LSR: variants seen among roughly 807,000 people sequenced by gnomAD.
The protein encoded by LSR is lipolysis-stimulated lipoprotein receptor.
In LSR, 44 loss-of-function variants were observed where a neutral mutation model predicts 61.8. That is an observed-to-expected ratio of 0.71 (90% CI 0.56 to 0.91). The LOEUF is 0.91. Ranked by LOEUF, LSR falls within the 40% of genes least tolerant of loss-of-function variation. The pLI is 0.00. For missense variants in LSR, 911 were observed against 830.5 expected (o/e 1.10, Z -1.19); for synonymous variants, 397 against 350.6 (o/e 1.13, Z -1.48).
intron 3 of LSR, chr19:35,259,545 TGAGGATTGCTTGAACCTGGGAGGCA>T (rs1347356602): frequency 1.3e-5 from 2 of 155,762 alleles, no homozygotes; most frequent in Admixed American, 6.2e-5. Flanking sequence ...GGCTGAGGCA[TGAGGATTGCTTGAACCTGGGAGGCA>T]GAGGATGCAG....
At position 35,266,370 on chromosome 19, in the gene LSR, G is replaced by A. The variant is rs748542666; in HGVS notation, c.790G>A (p.Gly264Ser). The change falls in exon 6 of 10, where the codon GGC becomes AGC. Residue 264 changes from glycine (G) to serine (S), a missense_variant. By Grantham distance (56) the Gly-to-Ser change is moderately conservative. Transcript: ENST00000605618. ...TTGTGTCCTCACAGTGTATGCCGCC[G>A]GCAAAGCAGCCACCTCAGGTGTTCC... The part of the protein sequence containing the change: ...CCCPEALYAA[G>S]KAATSGVPSI... 37 of 1,586,030 alleles carry A rather than the reference G, an allele frequency of 2.3e-5. No homozygotes were observed. The highest frequency in any genetic ancestry group is 4.5e-5 in the East Asian group (2 of 44,596).
Position 35,267,896 on chromosome 19 carries a change from T to G in LSR, c.*37T>G, listed in dbSNP as rs908167070. ...CTACGTAGCTTTTGTATTTTTTTTT[T>G]TAATTTGAAGGAACACTGATGAAGC... On this transcript the variant is annotated 3_prime_UTR_variant, in exon 10 of 10. Coordinates refer to ENST00000605618, the MANE Select transcript of LSR (RefSeq NM_205834.4). 59 of 1,610,174 alleles carry G rather than the reference T, an allele frequency of 3.7e-5. No homozygotes were observed. The highest frequency in any genetic ancestry group is 4.9e-5 in the Non-Finnish European group (58 of 1,177,386).
intron 2 of LSR, among the ~76,000 whole-genome samples, chr19:35,257,661 C>T (rs555515090): frequency 2.0e-5 from 3 of 152,204 alleles, no homozygotes; most frequent in South Asian, 2.1e-4. Context: ...GGAAAGAGGC[C>T]GGGAAGCTGA....
chr19:35,265,639 G>GGAAGGAAGGGA (rs2065987383), intron 5 of LSR, among the ~76,000 whole-genome samples: 1 of 152,202 alleles, frequency 6.6e-6, no homozygotes, highest in African/African-American at 2.4e-5. Flanking sequence ...GCCCTAGGGA[G>GGAAGGAAGGGA]GAAGGAAGGG....
In LSR at chr19:35,262,528, C is replaced by A. The variant is rs897994074; in HGVS notation, c.632-18C>A. On this transcript the variant is annotated intron_variant, in intron 4 of 9. Transcript: ENST00000605618. ...CCCTCCCAGGCCTCCGGGCTCAGGG[C>A]CTGTTGTCTTTCTGCAGACTGGCTC... The A allele has an allele frequency of 1.2e-6, 2 of 1,614,034 alleles. No homozygotes were observed. The highest frequency in any genetic ancestry group is 2.7e-5 in the African/African-American group (2 of 74,936).
Position 35,260,074 on chromosome 19 carries a change from A to C in LSR, c.574+1010A>C, listed in dbSNP as rs542965797. ...GTACTTGGGCTGCAAGACAGAGTTC[A>C]TGTGTGGGGGATGGAACACGTGCAC... On this transcript the variant is annotated intron_variant, in intron 3 of 9. Coordinates refer to ENST00000605618, the MANE Select transcript of LSR (RefSeq NM_205834.4). 8.5e-5 allele frequency among the ~76,000 whole-genome samples: 13 copies of C among 152,274 alleles called. No homozygotes were observed. In the South Asian group the frequency reaches 2.7e-3, roughly 32 times the overall value.
chr19:35,257,614 G>A (rs192687500), intron 2 of LSR, among the ~76,000 whole-genome samples: 13 of 152,228 alleles, frequency 8.5e-5, no homozygotes, highest in Admixed American at 2.6e-4. Context: ...GGAGGGCAGC[G>A]CGTCCTTGGG....
chr19:35,250,233 C>T, intron 1 of LSR, 82 bp from the exon 2 acceptor site: 1 of 902,522 alleles, frequency 1.1e-6, no homozygotes, highest in East Asian at 2.5e-5. Context: ...TTGCGAGTGT[C>T]AAGCTGGTGA....
rs1351539527 is a variant in LSR at position 35,266,946 on chromosome 19, C to A, written c.1123C>A (p.Pro375Thr). The A allele has an allele frequency of 6.2e-7, 1 of 1,613,408 alleles. No homozygotes were observed. Among genetic ancestry groups the A allele is most frequent in the South Asian group, 1.1e-5 (1 of 91,018 alleles). Residue 375 changes from proline to threonine, a missense_variant, in exon 8 of 10, where the codon CCC becomes ACC. By Grantham distance (38) the Pro-to-Thr change is conservative. Coordinates refer to ENST00000605618, the MANE Select transcript of LSR (RefSeq NM_205834.4). ...CTTCGACCCTTCTCGACCTGGCCCC[C>A]CCAGTGGCCGTGTGGAGCGGGGTAA... Reference protein sequence around the residue: ...ANFDPSRPGPPSGRVERAMSE... With the variant: ...ANFDPSRPGPTSGRVERAMSE...
At chr19:35,266,654 G>A (rs2066004382) in intron 6 of LSR, 25 bp from the exon 7 acceptor site, 2 of 1,601,776 alleles carry the variant, frequency 1.2e-6, no homozygotes, top group East Asian at 2.3e-5. Context: ...CTGGTGCGCG[G>A]CCACTGACAG....
At position 35,262,601 on chromosome 19, in the gene LSR, G is replaced by A; in HGVS notation, c.687G>A (p.Leu229=). 2 of 1,614,176 alleles carry A rather than the reference G, an allele frequency of 1.2e-6. No individual in the cohort carries two copies. Among genetic ancestry groups the A allele is most frequent in the Non-Finnish European group, 1.7e-6 (2 of 1,180,028 alleles). Residue 229 remains leucine (L), a synonymous_variant, in exon 5 of 10, where the codon CTG becomes CTA. Coordinates refer to ENST00000605618, the MANE Select transcript of LSR (RefSeq NM_205834.4). ...CLAAFLIFLL[L]GICWCQCCPH... ...CTGCCTTCCTCATCTTCCTCCTCCT[G>A]GGCATCTGCTGGTGCCAGTGCTGCC... is the stretch of plus-strand genomic sequence containing the variant.
Position 35,266,516 on chromosome 19 carries a change from T to A in LSR, c.936T>A (p.Val312=), listed in dbSNP as rs760756509. Residue 312 remains valine, a synonymous_variant, in exon 6 of 10, where the codon GTT becomes GTA. Coordinates refer to ENST00000605618, the MANE Select transcript of LSR (RefSeq NM_205834.4). ...ACCCTGGAGGATACCCTGGAGACGT[T>A]GACAGGAGTAGCTCAGGTGAGGCCG... is the stretch of plus-strand genomic sequence containing the variant. ...NGYPGGYPGD[V]DRSSSAGGQG... is the part of the protein sequence containing the mutation. 6.2e-7 allele frequency: 1 copy of A among 1,606,830 alleles called. No individual in the cohort carries two copies.
intron 2 of LSR, among the ~76,000 whole-genome samples, chr19:35,253,929 T>A (rs1055499401): frequency 1.3e-5 from 2 of 152,176 alleles, no homozygotes; most frequent in African/African-American, 4.8e-5. Flanking sequence ...GGCCTGGGTC[T>A]TTCAAACCAC....
intron 5 of LSR, 92 bp from the exon 6 acceptor site, chr19:35,266,267 G>A: frequency 1.9e-6 from 2 of 1,033,136 alleles, no homozygotes; most frequent in Non-Finnish European, 2.8e-6. Flanking sequence ...TTGGGAAGGA[G>A]GTCCAGGCCC....
At position 35,259,108 on chromosome 19, in the gene LSR, C is replaced by T. The variant is rs754680164; in HGVS notation, c.574+44C>T. The T allele has an allele frequency of 3.1e-6, 5 of 1,594,940 alleles. No individual in the cohort carries two copies. In the South Asian group the frequency reaches 3.4e-5, roughly 11 times the overall value. On this transcript the variant is annotated intron_variant, in intron 3 of 9. Transcript: ENST00000605618. ...GGGGAGGCATGGCCCTTCCTTTTGT[C>T]CGCTTCTGTTCTGTCTGCCCTCCCC...
intron 1 of LSR, 33 bp from the exon 2 acceptor site, chr19:35,250,282 A>G (rs770438587): frequency 9.6e-6 from 14 of 1,459,802 alleles, no homozygotes; most frequent in South Asian, 2.8e-5. Context: ...CTGAGCTCAC[A>G]GCAACCCTTG....
At chr19:35,256,943 TCTC>T (rs2065864281) in intron 2 of LSR, among the ~76,000 whole-genome samples, 1 of 151,950 alleles carries the variant, frequency 6.6e-6, no homozygotes, top group Non-Finnish European at 1.5e-5. Flanking sequence ...TTCAAGCAAT[TCTC>T]CTGCCTCAGC....
Position 35,261,967 on chromosome 19 carries a change from C to T in LSR, c.617C>T (p.Ala206Val), listed in dbSNP as rs151196627. Reference protein sequence around the residue: ...GVAELLPGFQAGPIEDWLFVV... With the variant: ...GVAELLPGFQVGPIEDWLFVV... ...GCTGAGCTCTTACCTGGTTTTCAGG[C>T]GGGGCCCATAGAAGGTACGGGGGGT... Residue 206 changes from alanine to valine, a missense_variant, in exon 4 of 10, where the codon GCG becomes GTG. Coordinates refer to ENST00000605618, the MANE Select transcript of LSR (RefSeq NM_205834.4). The T allele has an allele frequency of 1.0e-4, 157 of 1,505,010 alleles. 1 individual carries two copies. The African/African-American group carries it at 1.3e-3, about 13-fold the overall frequency. The allele number at this position is 1,505,010 out of a possible 1,614,324, so 93.2% of individuals were successfully genotyped here. A position where few individuals can be genotyped will look rare whatever the true frequency, so the allele number is the denominator to read the frequency against.
At position 35,250,226 on chromosome 19, in the gene LSR, C is replaced by T. The variant is rs148123490; in HGVS notation, c.110-89C>T. ...AGGCACTCTGTAAACCACATACTTG[C>T]GAGTGTCAAGCTGGTGACAGGTGGC... is the stretch of plus-strand genomic sequence containing the variant. On this transcript the variant is annotated intron_variant, in intron 1 of 9. Coordinates refer to ENST00000605618, the MANE Select transcript of LSR (RefSeq NM_205834.4). 129 of 824,158 alleles carry T rather than the reference C, an allele frequency of 1.6e-4. No individual in the cohort carries two copies. In the African/African-American group the frequency reaches 1.7e-3, roughly 11 times the overall value. The allele number at this position is 824,158 out of a possible 1,614,324, so 51.1% of individuals were successfully genotyped here.
Sources: gnomAD v4.1 joint callset for allele counts (sites outside exome capture counted in the v4.1 genomes callset) on GRCh38, gnomAD v4.1.1 for gene constraint, MANE v1.5 for transcripts, NCBI Gene and HGNC (gene_info 2026-07-23, HGNC 2026-07-21) for gene names.